The following PLEKHM3 variants were observed in gnomAD, a reference collection of about 807,000 sequenced individuals.
The protein encoded by PLEKHM3 is pleckstrin homology domain-containing family M member 3.
Under a neutral mutation model 81.8 loss-of-function variants are expected in PLEKHM3, and 45 were observed. That is an observed-to-expected ratio of 0.55 (90% CI 0.43 to 0.71). The LOEUF is 0.71. Among genes scored for constraint, PLEKHM3 ranks in the 30% least tolerant of loss-of-function variants. The pLI, the probability that PLEKHM3 is intolerant of heterozygous loss-of-function variation, is 0.00. For missense variants in PLEKHM3, 788 were observed against 924.3 expected (o/e 0.85, Z 1.91); for synonymous variants, 352 against 356.4 (o/e 0.99, Z 0.14).
intron 6 of PLEKHM3, among the ~76,000 whole-genome samples, chr2:207,896,520 T>C (rs1322136636): frequency 6.6e-6 from 1 of 152,232 alleles, no homozygotes; most frequent in Non-Finnish European, 1.5e-5. Flanking sequence ...AGGTAAGCTG[T>C]GCCTCCACTT....
chr2:207,977,255 G>A lies in PLEKHM3; in HGVS notation c.942C>T (p.Tyr314=). ...WEVVHAAVPG[Y]MGRQNELTIS... is the part of the protein sequence containing the mutation. Reference sequence around the variant, plus strand: ...TTGTCAGCTCATTCTGCCGCCCCATGTAACCGGGCACAGCAGCATGCACTA... The same window carrying A: ...TTGTCAGCTCATTCTGCCGCCCCATATAACCGGGCACAGCAGCATGCACTA... Residue 314 remains tyrosine, a synonymous_variant, in exon 3 of 8, where the codon TAC becomes TAT. Transcript: ENST00000427836. 6.2e-7 allele frequency: 1 copy of A among 1,614,156 alleles called. No individual in the cohort carries two copies. The highest frequency in any genetic ancestry group is 1.1e-5 in the South Asian group (1 of 91,082).
At chr2:207,865,974 T>A (rs2092498396) in intron 6 of PLEKHM3, among the ~76,000 whole-genome samples, 1 of 151,010 alleles carries the variant, frequency 6.6e-6, no homozygotes, top group Non-Finnish European at 1.5e-5. Context: ...TTTAAATGCC[T>A]TCACTGTAAG....
At chr2:207,978,049 G>A (rs992953015) in intron 2 of PLEKHM3, among the ~76,000 whole-genome samples, 1 of 152,170 alleles carries the variant, frequency 6.6e-6, no homozygotes, top group Non-Finnish European at 1.5e-5. Flanking sequence ...TCATGCCACT[G>A]TACTCCAGCC....
Position 207,828,274 on chromosome 2 carries a change from A to G in PLEKHM3, c.*45T>C, listed in dbSNP as rs745962458. 192 of 1,579,528 alleles carry G rather than the reference A, an allele frequency of 1.2e-4. No homozygotes were observed. Among genetic ancestry groups the G allele is most frequent in the Non-Finnish European group, 1.6e-4 (181 of 1,161,300 alleles). ...TAGTTAGGAGGCCGCTCTGGGGCTGATGGATTGTTGATTGGTGAATCCCTG... is the reference window on the plus strand; with the variant it reads ...TAGTTAGGAGGCCGCTCTGGGGCTGGTGGATTGTTGATTGGTGAATCCCTG... On this transcript the variant is annotated 3_prime_UTR_variant, in exon 8 of 8. Transcript: ENST00000427836.
chr2:207,956,718 A>ATTT lies in PLEKHM3; in HGVS notation c.1547-10209_1547-10207dup, dbSNP rs1170073686. ...ATGCCACCACACCTGGCTGATTAAA[A>ATTT]TTTTTTTTTTTTTTTTTTTTTTTTT... On this transcript the variant is annotated intron_variant, in intron 3 of 7. Coordinates refer to ENST00000427836, the MANE Select transcript of PLEKHM3 (RefSeq NM_001080475.3). 5.4e-3 allele frequency among the ~76,000 whole-genome samples: 372 copies of ATTT among 69,126 alleles called. 41 individuals are homozygous for ATTT. The highest frequency in any genetic ancestry group is 0.015 in the East Asian group (36 of 2,398). 45.3% of individuals were successfully genotyped at this position (69,126 alleles called of 152,430 possible).
chr2:207,883,989 T>C (rs1687795993), intron 6 of PLEKHM3, among the ~76,000 whole-genome samples: 1 of 152,150 alleles, frequency 6.6e-6, no homozygotes, highest in Non-Finnish European at 1.5e-5. Flanking sequence ...CAAAATCTAA[T>C]ACCCTTCTTT....
chr2:207,865,795 AAAAAAAAGATATATATATAT>A (rs1278783519), intron 6 of PLEKHM3, among the ~76,000 whole-genome samples: 3 of 37,688 alleles, frequency 8.0e-5, no homozygotes, highest in African/African-American at 3.0e-4. Flanking sequence ...AAAAAAAAAA[AAAAAAAAGATATATATATAT>A]ATATATATAT....
intron 4 of PLEKHM3, among the ~76,000 whole-genome samples, chr2:207,943,775 G>T (rs996539742): frequency 8.8e-5 from 13 of 148,146 alleles, no homozygotes; most frequent in Non-Finnish European, 1.9e-4. Flanking sequence ...GGCTGAGGCA[G>T]GAGAATGGCG....
Position 207,862,463 on chromosome 2 carries a change from C to G in PLEKHM3, c.1951-1201G>C, listed in dbSNP as rs753400863. Reference sequence around the variant, plus strand: ...ACTAGCCTGGCCAACATAGCAAAACCCTGTCTCTACTAAAAATACAAAAAA... The same window carrying G: ...ACTAGCCTGGCCAACATAGCAAAACGCTGTCTCTACTAAAAATACAAAAAA... On this transcript the variant is annotated intron_variant, in intron 6 of 7. Transcript: ENST00000427836. 6.6e-5 allele frequency among the ~76,000 whole-genome samples: 10 copies of G among 152,064 alleles called. 1 individual carries two copies. The highest frequency in any genetic ancestry group is 4.1e-4 in the South Asian group (2 of 4,822).
chr2:207,874,601 C>CT (rs1015728975), intron 6 of PLEKHM3, among the ~76,000 whole-genome samples: 6 of 145,602 alleles, frequency 4.1e-5, no homozygotes, highest in Non-Finnish European at 7.4e-5. Context: ...ACTGTATTTT[C>CT]TTTTTTTTGA....
intron 2 of PLEKHM3, among the ~76,000 whole-genome samples, chr2:207,994,660 A>C (rs1216736881): frequency 6.6e-6 from 1 of 152,196 alleles, no homozygotes; most frequent in Non-Finnish European, 1.5e-5. Context: ...ATCCTGAGAA[A>C]GCTTTGGTGT....
intron 1 of PLEKHM3, among the ~76,000 whole-genome samples, chr2:208,014,983 T>C (rs997894441): frequency 6.6e-6 from 1 of 152,228 alleles, no homozygotes; most frequent in Non-Finnish European, 1.5e-5. Flanking sequence ...AATGATATAT[T>C]TGATAAAATG....
intron 5 of PLEKHM3, among the ~76,000 whole-genome samples, chr2:207,929,547 T>C (rs371948304): frequency 1.3e-5 from 2 of 152,332 alleles, no homozygotes; most frequent in South Asian, 4.1e-4. Context: ...TCTGGTTTAG[T>C]TGGTAAATTA....
chr2:207,895,405 G>A (rs771853564), intron 6 of PLEKHM3, among the ~76,000 whole-genome samples: 14 of 152,150 alleles, frequency 9.2e-5, no homozygotes, highest in Non-Finnish European at 1.8e-4. Flanking sequence ...ACTCAAATCC[G>A]TAGTTTTATT....
chr2:207,932,977 T>C (rs1689640779), intron 4 of PLEKHM3, among the ~76,000 whole-genome samples: 2 of 152,342 alleles, frequency 1.3e-5, no homozygotes, highest in Non-Finnish European at 2.9e-5. Flanking sequence ...CCAAAGTTTA[T>C]GTTCTTTATA....
intron 7 of PLEKHM3, among the ~76,000 whole-genome samples, chr2:207,830,626 T>G (rs2092281209): frequency 1.3e-5 from 1 of 79,432 alleles, no homozygotes; most frequent in African/African-American, 5.0e-5. Flanking sequence ...AAAAAAAGAT[T>G]AAATGAGGTC....
rs954878939 is a variant in PLEKHM3 at position 207,976,744 on chromosome 2, T to G, written c.1453A>C (p.Asn485His). 6.2e-7 allele frequency: 1 copy of G among 1,614,196 alleles called. No homozygotes were observed. The stretch of plus-strand genomic sequence containing the variant: ...CTGGTAGTCACAGATTGGCGTTTGT[T>G]CTTCCTGAGTTCATGCCCACCCATT... ...DQMGGHELRK[N>H]KRQSVTTSFL... Residue 485 changes from asparagine to histidine, a missense_variant, in exon 3 of 8, where the codon AAC becomes CAC. Physicochemically the swap from Asn to His is moderately conservative, Grantham distance 68. Transcript: ENST00000427836. The surrounding 1 kb of genome is among the most constrained non-coding windows in gnomAD (Gnocchi z 4.1).
chr2:207,984,459 C>A (rs913534060), intron 2 of PLEKHM3, among the ~76,000 whole-genome samples: 2 of 152,032 alleles, frequency 1.3e-5, no homozygotes, highest in Non-Finnish European at 2.9e-5. Flanking sequence ...CGGCTCACTG[C>A]AACCTCCACC....
At chr2:207,995,299 T>G (rs958195650) in intron 2 of PLEKHM3, among the ~76,000 whole-genome samples, 2 of 152,222 alleles carry the variant, frequency 1.3e-5, no homozygotes, top group African/African-American at 4.8e-5. Flanking sequence ...ATGATAGAGT[T>G]ACAAGGCACA....
Sources: gnomAD v4.1 joint callset for allele counts (sites outside exome capture counted in the v4.1 genomes callset) on GRCh38, gnomAD v4.1.1 for gene constraint, Gnocchi (gnomAD v3.1) non-coding constraint, MANE v1.5 for transcripts, NCBI Gene and HGNC (gene_info 2026-07-23, HGNC 2026-07-21) for gene names.